AGBL1: variants seen among roughly 807,000 people sequenced by gnomAD.
The protein encoded by AGBL1 is cytosolic carboxypeptidase 4.
AGBL1 carries 130 observed loss-of-function variants against 118.9 expected under a neutral mutation model. That is an observed-to-expected ratio of 1.09 (90% CI 0.95 to 1.26). The LOEUF (loss-of-function observed/expected upper bound fraction) is 1.26. AGBL1 is among the 50% of genes most tolerant of loss of function. AGBL1 has a pLI of 0.00. For missense variants in AGBL1, 1,584 were observed against 1,298.1 expected, an observed-to-expected ratio of 1.22 and a Z score of -3.38; for synonymous variants, 555 against 478.9, an observed-to-expected ratio of 1.16 and a Z score of -2.08.
intron 1 of AGBL1, among the ~76,000 whole-genome samples, chr15:86,090,797 T>A (rs1217987175): frequency 1.3e-5 from 2 of 152,190 alleles, no homozygotes; most frequent in African/African-American, 4.8e-5. Context: ...CTTAATGATG[T>A]TTGAGTTTCA....
At chr15:86,102,324 A>T (rs1896787063) in intron 1 of AGBL1, among the ~76,000 whole-genome samples, 1 of 152,110 alleles carries the variant, frequency 6.6e-6, no homozygotes, top group Admixed American at 6.5e-5. Context: ...TACAGGCATG[A>T]GTCACCGTAC....
intron 7 of AGBL1, among the ~76,000 whole-genome samples, chr15:86,252,351 A>G (rs1439266126): frequency 6.6e-6 from 1 of 152,208 alleles, no homozygotes; most frequent in Non-Finnish European, 1.5e-5. Flanking sequence ...CCAGGTTGGA[A>G]TCAAGAACTG....
chr15:86,367,926 A>G (rs1013747484), intron 17 of AGBL1, among the ~76,000 whole-genome samples: 2 of 152,184 alleles, frequency 1.3e-5, no homozygotes, highest in Non-Finnish European at 2.9e-5. Context: ...CGTGGTAGCT[A>G]GCATTTTACT....
At chr15:86,896,498 A>G (rs1156808137) in intron 22 of AGBL1, among the ~76,000 whole-genome samples, 1 of 151,998 alleles carries the variant, frequency 6.6e-6, no homozygotes, top group Non-Finnish European at 1.5e-5. Context: ...TCACAATGTA[A>G]TTGTGAACTC....
intron 21 of AGBL1, among the ~76,000 whole-genome samples, chr15:86,565,001 TCTACA>T (rs1391957682): frequency 6.6e-6 from 1 of 152,244 alleles, no homozygotes; most frequent in Non-Finnish European, 1.5e-5. Context: ...TAAGGACTTC[TCTACA>T]CTAGTTATTC....
At chr15:86,870,981 GCC>G (rs1018904597) in intron 22 of AGBL1, among the ~76,000 whole-genome samples, 12 of 152,158 alleles carry the variant, frequency 7.9e-5, no homozygotes, top group African/African-American at 2.4e-4. Context: ...TGCCTTTGGT[GCC>G]CAGCAACTAA....
At chr15:86,930,530 T>C (rs540182568) in intron 23 of AGBL1, among the ~76,000 whole-genome samples, 9 of 152,134 alleles carry the variant, frequency 5.9e-5, no homozygotes, top group Non-Finnish European at 1.3e-4. Context: ...ATCATTTCAA[T>C]TTGACTGCTA....
intron 22 of AGBL1, among the ~76,000 whole-genome samples, chr15:86,712,678 T>G (rs1479382462): frequency 6.6e-6 from 1 of 152,218 alleles, no homozygotes; most frequent in African/African-American, 2.4e-5. Context: ...TTCAGAGGGC[T>G]ATTCTATTAG....
intron 5 of AGBL1, among the ~76,000 whole-genome samples, chr15:86,202,688 T>G (rs1283569367): frequency 6.6e-6 from 1 of 152,210 alleles, no homozygotes; most frequent in East Asian, 1.9e-4. Flanking sequence ...TATTTTTATT[T>G]CCTATAATAT....
At chr15:86,771,602 C>G (rs1157813283) in intron 22 of AGBL1, among the ~76,000 whole-genome samples, 1 of 150,912 alleles carries the variant, frequency 6.6e-6, no homozygotes, top group Non-Finnish European at 1.5e-5. Flanking sequence ...ATGCAGTACT[C>G]TCATCGCCTA....
At chr15:86,369,638 A>C (rs1434186886) in intron 17 of AGBL1, among the ~76,000 whole-genome samples, 3 of 152,180 alleles carry the variant, frequency 2.0e-5, no homozygotes, top group Admixed American at 1.3e-4. Context: ...AGTTTGAGAA[A>C]AATGAAATCG....
In AGBL1 at chr15:86,555,718, G is replaced by A. The variant is rs571131922; in HGVS notation, c.2994+1181G>A. ...TCTCACTCTTTCACTTACCAGCAGT[G>A]TTGAAAGCTACTTACTTCTAGGAAC... On this transcript the variant is annotated intron_variant, in intron 21 of 22. Transcript: ENST00000614907. Among the ~76,000 whole-genome samples, 3 of 152,246 alleles carry A rather than the reference G, an allele frequency of 2.0e-5. No homozygotes were observed. In the South Asian group the frequency reaches 6.2e-4, roughly 32 times the overall value.
At chr15:87,003,629 C>T (rs1475704255) in intron 24 of AGBL1, among the ~76,000 whole-genome samples, 1 of 152,064 alleles carries the variant, frequency 6.6e-6, no homozygotes, top group Non-Finnish European at 1.5e-5. Context: ...GGTTGGTAAG[C>T]TATTAATTAT....
intron 1 of AGBL1, among the ~76,000 whole-genome samples, chr15:86,117,923 A>C: frequency 6.6e-6 from 1 of 152,194 alleles, no homozygotes; most frequent in East Asian, 1.9e-4. Flanking sequence ...TCCATTAGTG[A>C]GCTTCTGGCA....
intron 22 of AGBL1, among the ~76,000 whole-genome samples, chr15:86,905,153 G>A (rs943204153): frequency 2.0e-5 from 3 of 151,932 alleles, no homozygotes; most frequent in Non-Finnish European, 4.4e-5. Context: ...GTGAAGGCTT[G>A]GGAAAATATT....
intron 1 of AGBL1, among the ~76,000 whole-genome samples, chr15:86,118,769 T>C (rs1243033384): frequency 6.9e-6 from 1 of 145,738 alleles, no homozygotes; most frequent in Non-Finnish European, 1.5e-5. Context: ...TTGGGTGGGG[T>C]GGGGTGGTGG....
intron 22 of AGBL1, among the ~76,000 whole-genome samples, chr15:86,880,645 G>A (rs114502345): frequency 0.014 from 2,134 of 152,248 alleles, 49 homozygotes; most frequent in African/African-American, 0.048. Flanking sequence ...GTGCATGTGT[G>A]TATGCATGTG....
chr15:86,748,641 T>C (rs1419640660), intron 22 of AGBL1, among the ~76,000 whole-genome samples: 2 of 150,478 alleles, frequency 1.3e-5, no homozygotes, highest in Non-Finnish European at 3.0e-5. Context: ...TTTATGGTTT[T>C]AGGTCTAACA....
chr15:86,767,373 A>G (rs1350794206), intron 22 of AGBL1, among the ~76,000 whole-genome samples: 1 of 151,930 alleles, frequency 6.6e-6, no homozygotes, highest in African/African-American at 2.4e-5. Context: ...CTAGGGAAAG[A>G]CAGACTTTTT....
Sources: gnomAD v4.1 joint callset for allele counts (sites outside exome capture counted in the v4.1 genomes callset) on GRCh38, gnomAD v4.1.1 for gene constraint, MANE v1.5 for transcripts, NCBI Gene and HGNC (gene_info 2026-07-23, HGNC 2026-07-21) for gene names.